The following TOGARAM1 variants were observed in gnomAD, a reference collection of about 807,000 sequenced individuals.
TOGARAM1 encodes TOG array regulator of axonemal microtubules protein 1.
TOGARAM1 carries 100 observed loss-of-function variants against 166.6 expected under a neutral mutation model. The ratio of observed to expected loss-of-function variants is 0.60; its 90% CI spans 0.51 to 0.71. The LOEUF is 0.71. Ranked by LOEUF, TOGARAM1 falls within the 30% of genes least tolerant of loss-of-function variation. The pLI is 0.00. For synonymous variants in TOGARAM1, 758 were observed against 763.8 expected (o/e 0.99, Z 0.13); for missense variants, 2,029 against 2,102.7 (o/e 0.96, Z 0.69).
chr14:44,999,572 A>C (rs1389655707), intron 3 of TOGARAM1, 75 bp downstream of exon 3: 4 of 1,301,508 alleles, frequency 3.1e-6, no homozygotes, highest in African/African-American at 3.0e-5. Context: ...AACTTATATG[A>C]TATTTTGTGT....
intron 8 of TOGARAM1, among the ~76,000 whole-genome samples, chr14:45,026,714 C>T (rs1594669610): frequency 6.6e-6 from 1 of 151,968 alleles, no homozygotes; most frequent in Non-Finnish European, 1.5e-5. Flanking sequence ...AAACACCCAG[C>T]TCTGCCAGGT....
At chr14:44,982,994 A>C (rs1191839263) in intron 1 of TOGARAM1, among the ~76,000 whole-genome samples, 7 of 152,240 alleles carry the variant, frequency 4.6e-5, no homozygotes, top group Non-Finnish European at 1.0e-4. Context: ...AAGACCAAGC[A>C]AGATAACAGC....
At chr14:45,005,939 C>T in intron 4 of TOGARAM1, 69 bp from the exon 5 acceptor site, 2 of 1,368,268 alleles carry the variant, frequency 1.5e-6, no homozygotes, top group East Asian at 2.4e-5. Context: ...ATTTTAAGCA[C>T]TTGTGACTAT....
At chr14:44,994,216 C>T (rs901954395) in intron 1 of TOGARAM1, among the ~76,000 whole-genome samples, 1 of 152,122 alleles carries the variant, frequency 6.6e-6, no homozygotes, top group Non-Finnish European at 1.5e-5. Context: ...AAGCAGTTCT[C>T]CTGCCTCAGC....
intron 1 of TOGARAM1, among the ~76,000 whole-genome samples, chr14:44,988,251 TA>T (rs974378627): frequency 8.6e-5 from 13 of 151,676 alleles, no homozygotes; most frequent in Admixed American, 3.3e-4. Context: ...ACTTAAAGTA[TA>T]AAAAAAAATC....
intron 1 of TOGARAM1, among the ~76,000 whole-genome samples, chr14:44,970,910 A>G (rs1846611765): frequency 6.6e-6 from 1 of 152,110 alleles, no homozygotes; most frequent in South Asian, 2.1e-4. Flanking sequence ...TGTGTTATTC[A>G]TTTTGTATAT....
chr14:45,067,441 T>C (rs1313322363), intron 17 of TOGARAM1, among the ~76,000 whole-genome samples: 1 of 152,256 alleles, frequency 6.6e-6, no homozygotes, highest in South Asian at 2.1e-4. Context: ...TACCTATCTT[T>C]AGGAAGACAA....
chr14:44,977,401 ATT>A (rs1009404478), intron 1 of TOGARAM1, among the ~76,000 whole-genome samples: 1 of 150,896 alleles, frequency 6.6e-6, no homozygotes, highest in Non-Finnish European at 1.5e-5. Context: ...TGCCCAGCTA[ATT>A]TTTTTTGTAT....
At chr14:45,025,052 T>C (rs1880748986) in intron 7 of TOGARAM1, among the ~76,000 whole-genome samples, 1 of 152,232 alleles carries the variant, frequency 6.6e-6, no homozygotes, top group South Asian at 2.1e-4. Context: ...ACATAGATCC[T>C]ATCCCCATGG....
intron 9 of TOGARAM1, 40 bp downstream of exon 9, chr14:45,027,514 A>C: frequency 6.7e-7 from 1 of 1,495,362 alleles, no homozygotes. Context: ...ATTTAAGCTT[A>C]CAGTATGTCA....
chr14:44,969,133 CCTTCCTTCCTTCCTTT>C (rs1249747672), intron 1 of TOGARAM1, among the ~76,000 whole-genome samples: 4 of 140,458 alleles, frequency 2.8e-5, no homozygotes, highest in African/African-American at 2.9e-5. Flanking sequence ...TTCCTTCCTT[CCTTCCTTCCTTCCTTT>C]CTTTCTTTCT....
At chr14:44,969,173 T>TTTCATTTC (rs544693959) in intron 1 of TOGARAM1, among the ~76,000 whole-genome samples, 1 of 131,226 alleles carries the variant, frequency 7.6e-6, no homozygotes, top group African/African-American at 3.1e-5. Flanking sequence ...CTTTCTTTTC[T>TTTCATTTC]TTTTTTTTTT....
intron 1 of TOGARAM1, among the ~76,000 whole-genome samples, chr14:44,971,028 A>G (rs1475820705): frequency 6.6e-6 from 1 of 151,556 alleles, no homozygotes; most frequent in African/African-American, 2.4e-5. Flanking sequence ...TTTTTTTCTT[A>G]TAAGGTCTTT....
chr14:45,014,599 A>G (rs923029481), intron 7 of TOGARAM1, among the ~76,000 whole-genome samples: 3 of 152,206 alleles, frequency 2.0e-5, no homozygotes, highest in African/African-American at 7.2e-5. Context: ...TAAAAATGAT[A>G]ACGCTCAGAA....
Position 45,006,078 on chromosome 14 carries a change from A to G in TOGARAM1, c.2715A>G (p.Arg905=). 4 of 1,613,562 alleles carry G rather than the reference A, an allele frequency of 2.5e-6. No homozygotes were observed. The highest frequency in any genetic ancestry group is 3.4e-6 in the Non-Finnish European group (4 of 1,179,632). The part of the protein sequence containing the change: ...PALVRSPSSR[R]GLNGTKPVPP... ...TGGTGAGATCGCCATCTTCCCGACG[A>G]GGTCTAAATGGGACAAAGCCTGTTC... The change falls in exon 5 of 20, where the codon CGA becomes CGG. Residue 905 remains arginine (R), a synonymous_variant. Coordinates refer to ENST00000361462, the MANE Select transcript of TOGARAM1 (RefSeq NM_001308120.2).
At chr14:44,979,698 G>T (rs942859847) in intron 1 of TOGARAM1, among the ~76,000 whole-genome samples, 1 of 152,184 alleles carries the variant, frequency 6.6e-6, no homozygotes, top group Non-Finnish European at 1.5e-5. Flanking sequence ...TCCAGAGTTG[G>T]TGCCTTAACC....
chr14:44,971,763 A>G lies in TOGARAM1; in HGVS notation c.2046+7296A>G, dbSNP rs536639593. Among the ~76,000 whole-genome samples, 16 of 152,338 alleles carry G rather than the reference A, an allele frequency of 1.1e-4. No homozygotes were observed. In the East Asian group the frequency reaches 2.7e-3, roughly 26 times the overall value. Reference sequence around the variant, plus strand: ...ATTGTATTTTCATTTATTTCAAAATATTTAAAAATTTCACTTGAGATTTCT... The same window carrying G: ...ATTGTATTTTCATTTATTTCAAAATGTTTAAAAATTTCACTTGAGATTTCT... On this transcript the variant is annotated intron_variant, in intron 1 of 19. Coordinates refer to ENST00000361462, the MANE Select transcript of TOGARAM1 (RefSeq NM_001308120.2).
intron 14 of TOGARAM1, among the ~76,000 whole-genome samples, chr14:45,047,296 G>A (rs1219295081): frequency 2.6e-5 from 4 of 151,762 alleles, no homozygotes; most frequent in African/African-American, 9.7e-5. Context: ...GGAGGCTGAG[G>A]CAGGAGAATC....
At chr14:45,057,990 C>CTTTGTTAAT (rs1882721578) in intron 16 of TOGARAM1, among the ~76,000 whole-genome samples, 1 of 152,084 alleles carries the variant, frequency 6.6e-6, no homozygotes, top group African/African-American at 2.4e-5. Context: ...TTCAGTGTTT[C>CTTTGTTAAT]TTTGTTAATT....
Sources: allele counts gnomAD v4.1 joint callset (sites outside exome capture counted in the v4.1 genomes callset), GRCh38; gene constraint gnomAD v4.1.1; transcripts MANE v1.5; gene names NCBI Gene and HGNC (gene_info 2026-07-23, HGNC 2026-07-21).